The following CSMD1 variants were observed in gnomAD, a reference collection of about 807,000 sequenced individuals.
CSMD1 encodes the protein CUB and Sushi multiple domains 1.
In CSMD1, 213 loss-of-function variants were observed where a neutral mutation model predicts 417.5. That is an observed-to-expected ratio of 0.51 (90% CI 0.46 to 0.57). The LOEUF is 0.57. CSMD1 is among the 20% of genes least tolerant of loss of function. The pLI, the probability that CSMD1 is intolerant of heterozygous loss-of-function variation, is 0.00. For missense variants in CSMD1, 6,923 were observed against 4,529.7 expected, an observed-to-expected ratio of 1.53 and a Z score of -15.17; for synonymous variants, 2,862 against 1,736.8, an observed-to-expected ratio of 1.65 and a Z score of -16.11.
At chr8:3,740,998 T>C (rs1253045327) in intron 6 of CSMD1, among the ~76,000 whole-genome samples, 6 of 151,952 alleles carry the variant, frequency 3.9e-5, no homozygotes. Context: ...ACGGATCACC[T>C]CAGGTCAGGA....
At chr8:3,546,638 A>G (rs1798676661) in intron 10 of CSMD1, among the ~76,000 whole-genome samples, 1 of 150,326 alleles carries the variant, frequency 6.7e-6, no homozygotes, top group Non-Finnish European at 1.5e-5. Flanking sequence ...GATTAACATT[A>G]TAAAACAAAA....
intron 3 of CSMD1, among the ~76,000 whole-genome samples, chr8:4,411,094 C>A (rs186242957): frequency 1.3e-5 from 2 of 152,236 alleles, no homozygotes; most frequent in South Asian, 4.1e-4. Context: ...GCCCCCTCCA[C>A]GTGTGGCCAC....
chr8:4,993,404 C>G (rs1811583878), intron 1 of CSMD1, among the ~76,000 whole-genome samples: 1 of 152,212 alleles, frequency 6.6e-6, no homozygotes, highest in African/African-American at 2.4e-5. Flanking sequence ...CTCTCTCCCT[C>G]TTTCTCGCCC....
At chr8:4,784,447 G>T (rs767458866) in intron 1 of CSMD1, among the ~76,000 whole-genome samples, 1 of 152,254 alleles carries the variant, frequency 6.6e-6, no homozygotes, top group Non-Finnish European at 1.5e-5. Context: ...TTGAACCCGT[G>T]ATTAAAATAA....
intron 10 of CSMD1, among the ~76,000 whole-genome samples, chr8:3,509,992 G>A (rs545052992): frequency 6.6e-6 from 1 of 152,272 alleles, no homozygotes; most frequent in South Asian, 2.1e-4. Flanking sequence ...AATTGCAAAT[G>A]CATCTCTCCA....
At chr8:3,717,919 T>C (rs1307251819) in intron 6 of CSMD1, among the ~76,000 whole-genome samples, 1 of 152,144 alleles carries the variant, frequency 6.6e-6, no homozygotes, top group Non-Finnish European at 1.5e-5. Context: ...GAACTAGAAT[T>C]CTTTAGTCAA....
intron 1 of CSMD1, among the ~76,000 whole-genome samples, chr8:4,806,899 G>A (rs958658877): frequency 1.3e-5 from 2 of 152,148 alleles, no homozygotes; most frequent in African/African-American, 2.4e-5. Context: ...CCTAGGAGTT[G>A]AATGAGCAAG....
intron 11 of CSMD1, among the ~76,000 whole-genome samples, chr8:3,472,982 C>A (rs1301729341): frequency 2.6e-5 from 4 of 152,090 alleles, no homozygotes; most frequent in East Asian, 1.9e-4. Flanking sequence ...TTATCTCACA[C>A]CCACCCCACC....
Position 4,411,346 on chromosome 8 carries a change from G to A in CSMD1, c.415+8607C>T, listed in dbSNP as rs189769999. Among the ~76,000 whole-genome samples the A allele has an allele frequency of 1.4e-3, 218 of 151,736 alleles. 1 individual carries two copies. The highest frequency in any genetic ancestry group is 3.7e-3 in the Admixed American group (57 of 15,228). On this transcript the variant is annotated intron_variant, in intron 3 of 69. Coordinates refer to ENST00000635120, the MANE Select transcript of CSMD1 (RefSeq NM_033225.6). ...TTCTGTGAGTGGATTTCTATCAAGA[G>A]CACCTTGATTTCTTACATTAAAAAA...
intron 15 of CSMD1, among the ~76,000 whole-genome samples, chr8:3,403,416 C>T (rs991389910): frequency 1.3e-5 from 2 of 152,186 alleles, no homozygotes; most frequent in Non-Finnish European, 2.9e-5. Flanking sequence ...CCTACCTTCT[C>T]TGAGGCTCAG....
chr8:3,293,261 T>A (rs1309196044), intron 25 of CSMD1, among the ~76,000 whole-genome samples: 2 of 152,220 alleles, frequency 1.3e-5, no homozygotes, highest in Non-Finnish European at 2.9e-5. Flanking sequence ...CTTTAACATT[T>A]TTTCCTTCAT....
chr8:4,264,451 C>A (rs1424525611), intron 3 of CSMD1, among the ~76,000 whole-genome samples: 3 of 152,140 alleles, frequency 2.0e-5, no homozygotes, highest in Non-Finnish European at 2.9e-5. Flanking sequence ...ATTACTGGTA[C>A]ACAAATTTGC....
In CSMD1 at chr8:3,968,620, T is replaced by C. The variant is rs138170711; in HGVS notation, c.818+29283A>G. On this transcript the variant is annotated intron_variant, in intron 5 of 69. Transcript: ENST00000635120. ...ATATTCGCTAAGGAAGATGTCTTTC[T>C]CTACATAGAACACAGTCTGAGGCTC... 5.4e-4 allele frequency among the ~76,000 whole-genome samples: 83 copies of C among 152,342 alleles called. No homozygotes were observed. In the Middle Eastern group the frequency reaches 0.017, roughly 31 times the overall value.
At chr8:4,374,240 C>T (rs1277162141) in intron 3 of CSMD1, among the ~76,000 whole-genome samples, 1 of 152,118 alleles carries the variant, frequency 6.6e-6, no homozygotes, top group Admixed American at 6.5e-5. Context: ...ACATCATCAC[C>T]ATCACTAACG....
chr8:3,593,243 GA>G (rs1800939840), intron 8 of CSMD1, among the ~76,000 whole-genome samples: 1 of 152,242 alleles, frequency 6.6e-6, no homozygotes, highest in Non-Finnish European at 1.5e-5. Context: ...GAACAAGACA[GA>G]ACCCCCGCGT....
chr8:2,951,759 C>T (rs1456140591), intron 65 of CSMD1, among the ~76,000 whole-genome samples: 2 of 152,110 alleles, frequency 1.3e-5, no homozygotes, highest in African/African-American at 4.8e-5. Flanking sequence ...CTTACATATC[C>T]CAGCACCAAG....
At chr8:4,515,980 G>GTT (rs1803097051) in intron 2 of CSMD1, among the ~76,000 whole-genome samples, 1 of 152,168 alleles carries the variant, frequency 6.6e-6, no homozygotes, top group African/African-American at 2.4e-5. Context: ...CCTGACAGCT[G>GTT]TTACCCATTG....
intron 7 of CSMD1, among the ~76,000 whole-genome samples, chr8:3,654,816 C>A (rs1014703338): frequency 6.6e-6 from 1 of 152,098 alleles, no homozygotes; most frequent in Non-Finnish European, 1.5e-5. Context: ...GCTACCATGG[C>A]GCCCAGGATC....
At chr8:3,013,841 A>G (rs937397731) in intron 52 of CSMD1, among the ~76,000 whole-genome samples, 2 of 152,152 alleles carry the variant, frequency 1.3e-5, no homozygotes, top group African/African-American at 4.8e-5. Context: ...GAGCCCACTT[A>G]AACTATTAAA....
Sources: allele counts gnomAD v4.1 joint callset (sites outside exome capture counted in the v4.1 genomes callset), GRCh38; gene constraint gnomAD v4.1.1; transcripts MANE v1.5; gene names NCBI Gene and HGNC (gene_info 2026-07-23, HGNC 2026-07-21).